MYO1E: variants seen among roughly 807,000 people sequenced by gnomAD.
MYO1E encodes myosin IE.
In MYO1E, 68 loss-of-function variants were observed where a neutral mutation model predicts 151.1. The observed-to-expected ratio is 0.45, with a 90% CI of 0.37 to 0.55. The LOEUF is 0.55. Among genes scored for constraint, MYO1E ranks in the 20% least tolerant of loss-of-function variants. MYO1E has a pLI of 0.00. For synonymous variants in MYO1E, 601 were observed against 501.7 expected (o/e 1.20, Z -2.64); for missense variants, 1,363 against 1,389.3 (o/e 0.98, Z 0.30).
intron 1 of MYO1E, among the ~76,000 whole-genome samples, chr15:59,327,000 A>C (rs2080668776): frequency 6.6e-6 from 1 of 152,200 alleles, no homozygotes; most frequent in South Asian, 2.1e-4. Flanking sequence ...ACCAGGCTTC[A>C]GGCAATCAGG....
intron 4 of MYO1E, 81 bp from the exon 5 acceptor site, chr15:59,236,753 C>A: frequency 6.6e-6 from 8 of 1,207,344 alleles, no homozygotes; most frequent in Non-Finnish European, 8.5e-6. Context: ...TCACACAAAA[C>A]AAACAAACAA....
intron 24 of MYO1E, 110 bp from the exon 25 acceptor site, chr15:59,158,489 G>C: frequency 6.1e-6 from 5 of 818,584 alleles, no homozygotes; most frequent in Non-Finnish European, 1.0e-5. Context: ...CAGCTCTCAG[G>C]TGGATCTGCA....
At chr15:59,335,560 T>A (rs1175709259) in intron 1 of MYO1E, among the ~76,000 whole-genome samples, 2 of 152,092 alleles carry the variant, frequency 1.3e-5, no homozygotes, top group Non-Finnish European at 2.9e-5. Context: ...GTCCCACACA[T>A]AAGCCAGGGC....
intron 26 of MYO1E, among the ~76,000 whole-genome samples, chr15:59,147,596 CAAAA>C (rs748173480): frequency 6.1e-5 from 4 of 66,096 alleles, no homozygotes; most frequent in Admixed American, 2.4e-4. Context: ...GACTCTGTCT[CAAAA>C]AAAAAAAAAA....
intron 1 of MYO1E, among the ~76,000 whole-genome samples, chr15:59,360,337 G>C (rs1215454340): frequency 2.6e-5 from 4 of 151,960 alleles, no homozygotes; most frequent in African/African-American, 7.3e-5. Context: ...CAGTCCAAAA[G>C]ACATGACTTT....
At chr15:59,264,661 C>T (rs1303012088) in intron 2 of MYO1E, among the ~76,000 whole-genome samples, 2 of 152,186 alleles carry the variant, frequency 1.3e-5, no homozygotes, top group Admixed American at 6.5e-5. Context: ...TTTGCATACT[C>T]GAAAACCTAA....
chr15:59,299,785 T>C (rs1190479138), intron 1 of MYO1E, among the ~76,000 whole-genome samples: 1 of 152,212 alleles, frequency 6.6e-6, no homozygotes, highest in Non-Finnish European at 1.5e-5. Flanking sequence ...AACTCTGTAG[T>C]TTCATTTTAG....
intron 19 of MYO1E, among the ~76,000 whole-genome samples, chr15:59,177,074 TG>T (rs1199007449): frequency 6.6e-6 from 1 of 152,234 alleles, no homozygotes; most frequent in Non-Finnish European, 1.5e-5. Flanking sequence ...ACAGCGGGTA[TG>T]AAACAAGGAG....
intron 1 of MYO1E, among the ~76,000 whole-genome samples, chr15:59,337,392 T>C (rs1486513839): frequency 2.6e-5 from 4 of 152,242 alleles, no homozygotes; most frequent in Non-Finnish European, 4.4e-5. Context: ...TTGTGATTTT[T>C]CTAAACATGA....
intron 2 of MYO1E, 22 bp from the exon 3 acceptor site, chr15:59,261,531 T>C (rs1396072589): frequency 5.5e-6 from 8 of 1,455,808 alleles, no homozygotes; most frequent in Non-Finnish European, 6.8e-6. Context: ...TCAGTTAAGG[T>C]CCATCATTAA....
At chr15:59,213,749 C>G (rs1374915013) in intron 12 of MYO1E, among the ~76,000 whole-genome samples, 1 of 152,222 alleles carries the variant, frequency 6.6e-6, no homozygotes, top group Non-Finnish European at 1.5e-5. Flanking sequence ...GCACGAGCCA[C>G]AGCACCCAGC....
chr15:59,267,467 C>T (rs577084415), intron 2 of MYO1E, among the ~76,000 whole-genome samples: 4 of 152,296 alleles, frequency 2.6e-5, no homozygotes, highest in African/African-American at 9.6e-5. Context: ...TGGCCTGGAA[C>T]TCGAAGCTTT....
At chr15:59,336,754 C>T (rs1395505067) in intron 1 of MYO1E, among the ~76,000 whole-genome samples, 1 of 151,818 alleles carries the variant, frequency 6.6e-6, no homozygotes, top group East Asian at 1.9e-4. Flanking sequence ...AGCCCCCCAC[C>T]CCCTGACAGG....
chr15:59,335,764 T>A (rs1400523960), intron 1 of MYO1E, among the ~76,000 whole-genome samples: 1 of 151,920 alleles, frequency 6.6e-6, no homozygotes, highest in Non-Finnish European at 1.5e-5. Flanking sequence ...TTTTGAGAGG[T>A]AGTGGGAGAG....
At chr15:59,295,548 C>T (rs2080443728) in intron 1 of MYO1E, among the ~76,000 whole-genome samples, 2 of 152,216 alleles carry the variant, frequency 1.3e-5, no homozygotes, top group Non-Finnish European at 2.9e-5. Flanking sequence ...TGCAGAAAAA[C>T]TGTCTTCTTT....
At chr15:59,211,108 G>A (rs1016333594) in intron 12 of MYO1E, among the ~76,000 whole-genome samples, 3 of 151,684 alleles carry the variant, frequency 2.0e-5, no homozygotes, top group Non-Finnish European at 4.4e-5. Context: ...GCTGAGGCAG[G>A]AGAATTGCTT....
chr15:59,282,976 G>C (rs552330103), intron 1 of MYO1E, among the ~76,000 whole-genome samples: 30 of 80,622 alleles, frequency 3.7e-4, no homozygotes, highest in Non-Finnish European at 5.9e-4. Flanking sequence ...AAAGGGGAAA[G>C]GGGAAAGGGG....
chr15:59,237,736 C>G (rs1265076697), intron 4 of MYO1E, among the ~76,000 whole-genome samples: 1 of 152,168 alleles, frequency 6.6e-6, no homozygotes, highest in African/African-American at 2.4e-5. Flanking sequence ...CTGAGTTACT[C>G]AAGGAAAGAG....
At chr15:59,372,359 G>A (rs970104479) in intron 1 of MYO1E, 139 bp downstream of exon 1, 3 of 1,051,716 alleles carry the variant, frequency 2.9e-6, no homozygotes, top group Non-Finnish European at 4.2e-6. Flanking sequence ...CAGGAAATCA[G>A]AGCTCGCGAC....
Sources: gnomAD v4.1 joint callset for allele counts (sites outside exome capture counted in the v4.1 genomes callset) on GRCh38, gnomAD v4.1.1 for gene constraint, MANE v1.5 for transcripts, NCBI Gene and HGNC (gene_info 2026-07-23, HGNC 2026-07-21) for gene names.